CDH18: variants seen among roughly 807,000 people sequenced by gnomAD.
CDH18 encodes cadherin-18.
A neutral mutation model predicts 67.9 loss-of-function variants in CDH18; 31 were observed. That is an observed-to-expected ratio of 0.46 (90% confidence interval 0.34 to 0.62). The LOEUF (loss-of-function observed/expected upper bound fraction) is 0.62. Among genes scored for constraint, CDH18 ranks in the 20% least tolerant of loss-of-function variants. The probability of loss-of-function intolerance (pLI) is 0.01; values close to 1 mark genes in which losing one functional copy is unlikely to be tolerated. For missense variants in CDH18, 890 were observed against 975.5 expected, an observed-to-expected ratio of 0.91 and a Z score of 1.17; for synonymous variants, 362 against 347.2, an observed-to-expected ratio of 1.04 and a Z score of -0.48.
At chr5:19,820,284 C>A (rs1779729038) in intron 3 of CDH18, among the ~76,000 whole-genome samples, 1 of 152,104 alleles carries the variant, frequency 6.6e-6, no homozygotes, top group African/African-American at 2.4e-5. Flanking sequence ...AGTGACCTAG[C>A]AATCCGGGCA....
chr5:19,757,374 G>T (rs564227320), intron 3 of CDH18, among the ~76,000 whole-genome samples: 1 of 152,304 alleles, frequency 6.6e-6, no homozygotes, highest in East Asian at 1.9e-4. Flanking sequence ...CATATTGAGG[G>T]CTCAGTGTTG....
intron 2 of CDH18, among the ~76,000 whole-genome samples, chr5:20,084,982 T>C (rs1744819292): frequency 6.6e-6 from 1 of 152,218 alleles, no homozygotes; most frequent in Non-Finnish European, 1.5e-5. Flanking sequence ...TGGGGATTAA[T>C]GTTTGTCTCC....
chr5:20,385,426 C>G (rs956523203), intron 1 of CDH18, among the ~76,000 whole-genome samples: 1 of 152,004 alleles, frequency 6.6e-6, no homozygotes, highest in African/African-American at 2.4e-5. Context: ...GAAACAATAC[C>G]CAAAACCTTC....
intron 2 of CDH18, among the ~76,000 whole-genome samples, chr5:19,953,790 C>G (rs527957416): frequency 2.6e-5 from 4 of 152,106 alleles, no homozygotes; most frequent in African/African-American, 9.6e-5. Flanking sequence ...TGAATTGGAA[C>G]ACTAAATAAT....
At chr5:20,407,690 T>C (rs1214293670) in intron 1 of CDH18, among the ~76,000 whole-genome samples, 3 of 151,064 alleles carry the variant, frequency 2.0e-5, no homozygotes, top group Non-Finnish European at 2.9e-5. Flanking sequence ...CAGGTTGCTT[T>C]GAATATCACA....
At position 19,793,441 on chromosome 5, in the gene CDH18, G is replaced by T. The variant is rs78566476; in HGVS notation, c.228+45318C>A. On this transcript the variant is annotated intron_variant, in intron 3 of 12. Coordinates refer to ENST00000382275, the MANE Select transcript of CDH18 (RefSeq NM_004934.5). The stretch of plus-strand genomic sequence containing the variant: ...TCAGAAGCAAATATTTGTTGCCCCA[G>T]AGCTAAGGTGATCATAAGGTTCATT... Among the ~76,000 whole-genome samples, 1,306 of 152,146 alleles carry T rather than the reference G, an allele frequency of 8.6e-3. 19 individuals are homozygous for T. Among genetic ancestry groups the T allele is most frequent in the African/African-American group, 0.03 (1,225 of 41,522 alleles).
chr5:19,763,620 C>G (rs920880425), intron 3 of CDH18, among the ~76,000 whole-genome samples: 2 of 152,108 alleles, frequency 1.3e-5, no homozygotes, highest in Non-Finnish European at 2.9e-5. Context: ...TCACAAGAGG[C>G]ATTTTATTGG....
intron 1 of CDH18, among the ~76,000 whole-genome samples, chr5:20,423,401 A>T (rs1173985569): frequency 6.6e-6 from 1 of 151,214 alleles, no homozygotes; most frequent in Non-Finnish European, 1.5e-5. Context: ...GGAGCATATA[A>T]TAAGGATTTT....
intron 2 of CDH18, among the ~76,000 whole-genome samples, chr5:20,001,822 G>T (rs1736464322): frequency 6.6e-6 from 1 of 152,104 alleles, no homozygotes; most frequent in Admixed American, 6.6e-5. Context: ...TAAATTCATT[G>T]TTCTGCTCAG....
intron 1 of CDH18, among the ~76,000 whole-genome samples, chr5:20,283,329 A>C (rs1162260214): frequency 6.6e-6 from 1 of 152,076 alleles, no homozygotes; most frequent in Non-Finnish European, 1.5e-5. Context: ...GAATGGGGGA[A>C]AATATTTGCA....
chr5:20,562,871 G>A (rs1400708999), intron 1 of CDH18, among the ~76,000 whole-genome samples: 8 of 151,776 alleles, frequency 5.3e-5, no homozygotes, highest in African/African-American at 9.7e-5. Context: ...TGAACCACCC[G>A]AGGATAATGT....
At chr5:20,433,644 G>GA (rs1748947632) in intron 1 of CDH18, among the ~76,000 whole-genome samples, 1 of 151,982 alleles carries the variant, frequency 6.6e-6, no homozygotes, top group African/African-American at 2.4e-5. Context: ...GTTTCAGATG[G>GA]AAAAGGCAAT....
At chr5:19,735,602 A>G (rs1768206816) in intron 4 of CDH18, among the ~76,000 whole-genome samples, 1 of 151,898 alleles carries the variant, frequency 6.6e-6, no homozygotes, top group African/African-American at 2.4e-5. Context: ...TCACCATGTT[A>G]GCCAGGATGG....
At chr5:19,693,671 T>C (rs1449107555) in intron 5 of CDH18, among the ~76,000 whole-genome samples, 7 of 152,048 alleles carry the variant, frequency 4.6e-5, no homozygotes, top group African/African-American at 1.4e-4. Flanking sequence ...CCAAGGCAGG[T>C]GGATCACTTC....
At chr5:19,662,075 G>A (rs1757255134) in intron 5 of CDH18, among the ~76,000 whole-genome samples, 1 of 151,384 alleles carries the variant, frequency 6.6e-6, no homozygotes, top group South Asian at 2.1e-4. Flanking sequence ...CGTGGGTTCT[G>A]CTAAAACACA....
At chr5:19,890,540 A>G (rs1788675625) in intron 2 of CDH18, among the ~76,000 whole-genome samples, 1 of 152,092 alleles carries the variant, frequency 6.6e-6, no homozygotes. Flanking sequence ...GACACTGCAC[A>G]GAAAATGCAG....
chr5:20,213,089 T>A (rs1740480594), intron 2 of CDH18, among the ~76,000 whole-genome samples: 1 of 152,148 alleles, frequency 6.6e-6, no homozygotes, highest in Non-Finnish European at 1.5e-5. Flanking sequence ...TTAAGCTTAA[T>A]CACTTCTAGC....
chr5:19,952,289 T>C (rs551786267), intron 2 of CDH18, among the ~76,000 whole-genome samples: 1 of 152,270 alleles, frequency 6.6e-6, no homozygotes, highest in African/African-American at 2.4e-5. Flanking sequence ...GACCTTGTGA[T>C]CTGCTGGCTT....
intron 1 of CDH18, among the ~76,000 whole-genome samples, chr5:20,509,451 G>T (rs2126477768): frequency 6.7e-6 from 1 of 150,260 alleles, no homozygotes; most frequent in Non-Finnish European, 1.5e-5. Flanking sequence ...TCACCAGGCT[G>T]GAGTGCAGTG....
Sources: gnomAD v4.1 joint callset for allele counts (sites outside exome capture counted in the v4.1 genomes callset) on GRCh38, gnomAD v4.1.1 for gene constraint, MANE v1.5 for transcripts, NCBI Gene and HGNC (gene_info 2026-07-23, HGNC 2026-07-21) for gene names.